BAALC: variants seen among roughly 807,000 people sequenced by gnomAD.
BAALC encodes the protein BAALC binder of MAP3K1 and KLF4.
Under a neutral mutation model 15.5 loss-of-function variants are expected in BAALC, and 9 were observed. The observed-to-expected ratio is 0.58, with a 90% CI of 0.35 to 1.02. BAALC has a LOEUF of 1.02. Ranked by LOEUF, BAALC falls within the 50% of genes least tolerant of loss-of-function variation. The pLI, the probability that BAALC is intolerant of heterozygous loss-of-function variation, is 0.02. For synonymous variants in BAALC, 80 were observed against 74.6 expected (o/e 1.07, Z -0.37); for missense variants, 201 against 192.4 (o/e 1.04, Z -0.27).
At chr8:103,227,867 T>C (rs1201281540) in intron 2 of BAALC, 122 bp from the exon 3 acceptor site, 11 of 666,158 alleles carry the variant, frequency 1.7e-5, no homozygotes, top group Non-Finnish European at 2.0e-5. Flanking sequence ...TTTATGTTCC[T>C]TTTTCCCAGG....
chr8:103,183,296 T>C, intron 1 of BAALC: 1 of 699,098 alleles, frequency 1.4e-6, no homozygotes. Context: ...GAGAAAAACA[T>C]GGAATGTCTT....
chr8:103,228,003 T>TAAGA lies in BAALC; in HGVS notation c.343_346dup (p.Arg116LysfsTer11). 1 of 1,612,702 alleles carries TAAGA rather than the reference T, an allele frequency of 6.2e-7. No individual in the cohort carries two copies. On this transcript the variant is annotated frameshift_variant, in exon 3 of 3. Transcript: ENST00000309982. LOFTEE classifies it high-confidence loss of function. ...CAACTTAACAGGCTAAAAGAGATGC[T>TAAGA]AAGAGAATGCCTGCAAAAGAAGTCA...
chr8:103,173,466 A>G (rs1811542729), intron 1 of BAALC, among the ~76,000 whole-genome samples: 1 of 152,254 alleles, frequency 6.6e-6, no homozygotes, highest in South Asian at 2.1e-4. Context: ...CAAATCATGG[A>G]ATCCTAATAA....
Position 103,181,822 on chromosome 8 carries a change from G to C in BAALC, c.161-31097G>C, listed in dbSNP as rs148161683. Among the ~76,000 whole-genome samples the C allele has an allele frequency of 9.1e-4, 138 of 152,296 alleles. 1 individual carries two copies. Among genetic ancestry groups the C allele is most frequent in the African/African-American group, 3.2e-3 (134 of 41,566 alleles). ...GGTGGTGGCACCCACTTAGGTAGCA[G>C]GTGAAAAGTTGGCTTCTTTTAACCT... On this transcript the variant is annotated intron_variant, in intron 1 of 2. Transcript: ENST00000309982.
chr8:103,220,985 A>AACATCTC (rs1812664219), intron 2 of BAALC, among the ~76,000 whole-genome samples: 1 of 152,238 alleles, frequency 6.6e-6, no homozygotes, highest in Non-Finnish European at 1.5e-5. Context: ...CAAAGCTGAG[A>AACATCTC]ACATCTCTAT....
chr8:103,174,729 C>A (rs979920495), intron 1 of BAALC, among the ~76,000 whole-genome samples: 1 of 152,180 alleles, frequency 6.6e-6, no homozygotes, highest in African/African-American at 2.4e-5. Context: ...CTGAACTCCT[C>A]TTAGAGAGCC....
At chr8:103,176,160 T>C (rs1019272681) in intron 1 of BAALC, among the ~76,000 whole-genome samples, 1 of 152,184 alleles carries the variant, frequency 6.6e-6, no homozygotes, top group African/African-American at 2.4e-5. Flanking sequence ...GCTAACTTTT[T>C]ATTTAGGGGG....
chr8:103,188,550 TAAGA>T (rs930956763), intron 1 of BAALC, among the ~76,000 whole-genome samples: 19 of 152,176 alleles, frequency 1.2e-4, no homozygotes, highest in Non-Finnish European at 2.1e-4. Flanking sequence ...TTTAAAATAA[TAAGA>T]AAGGGTTGAT....
intron 1 of BAALC, among the ~76,000 whole-genome samples, chr8:103,167,011 A>G (rs894882144): frequency 1.3e-5 from 2 of 152,172 alleles, no homozygotes; most frequent in Non-Finnish European, 2.9e-5. Context: ...GTGAAATGGA[A>G]CGCTTTGCCT....
At chr8:103,206,384 C>A (rs1044282844) in intron 1 of BAALC, among the ~76,000 whole-genome samples, 6 of 152,150 alleles carry the variant, frequency 3.9e-5, no homozygotes, top group African/African-American at 1.2e-4. Flanking sequence ...ATCTCTCAGG[C>A]TTTTCTTGCT....
chr8:103,190,251 G>C (rs1811935706), intron 1 of BAALC, among the ~76,000 whole-genome samples: 1 of 152,156 alleles, frequency 6.6e-6, no homozygotes, highest in African/African-American at 2.4e-5. Context: ...GAGAAAGTTA[G>C]ACTTTCAGCT....
rs905433869 is a variant in BAALC, at chr8:103,140,920, C to T, written c.23C>T (p.Ala8Val). 3 of 1,520,482 alleles carry T rather than the reference C, an allele frequency of 2.0e-6. No individual in the cohort carries two copies. Among genetic ancestry groups the T allele is most frequent in the African/African-American group, 2.9e-5 (2 of 69,110 alleles). 94.2% of individuals were successfully genotyped at this position (1,520,482 alleles called of 1,614,324 possible). A position where few individuals can be genotyped will look rare whatever the true frequency, so the allele number is the denominator to read the frequency against. ...AGGATGGGCTGCGGCGGGAGCCGGG[C>T]GGATGCCATCGAGCCCCGCTACTAC... MGCGGSR[A>V]DAIEPRYYES... Residue 8 changes from alanine to valine, a missense_variant, in exon 1 of 3, where the codon GCG (alanine) becomes GTG (valine). By Grantham distance (64) the Ala-to-Val change is moderately conservative. Coordinates refer to ENST00000309982, the MANE Select transcript of BAALC (RefSeq NM_024812.3). The surrounding 1 kb of genome is among the most constrained non-coding windows in gnomAD (Gnocchi z 4.2).
At chr8:103,177,037 G>A (rs1193489128) in intron 1 of BAALC, among the ~76,000 whole-genome samples, 2 of 152,116 alleles carry the variant, frequency 1.3e-5, no homozygotes, top group African/African-American at 2.4e-5. Context: ...CTCATTTTAT[G>A]AAGGTTTTCC....
chr8:103,180,215 C>G (rs1811695145), intron 1 of BAALC, among the ~76,000 whole-genome samples: 5 of 152,210 alleles, frequency 3.3e-5, no homozygotes, highest in Admixed American at 3.3e-4. Flanking sequence ...ATTAAGACAA[C>G]TAGAGTTCCA....
At chr8:103,198,289 GATATA>G (rs1812139708) in intron 1 of BAALC, 1 of 536,580 alleles carries the variant, frequency 1.9e-6, no homozygotes, top group African/African-American at 1.9e-5. Context: ...GATTAAATGT[GATATA>G]ATAACTAAAA....
At chr8:103,216,282 T>C (rs1275240615) in intron 2 of BAALC, among the ~76,000 whole-genome samples, 1 of 152,092 alleles carries the variant, frequency 6.6e-6, no homozygotes, top group Admixed American at 6.6e-5. Context: ...TACCTAGGAG[T>C]GGAATTGTTG....
At chr8:103,163,281 T>C (rs1178456279) in intron 1 of BAALC, among the ~76,000 whole-genome samples, 1 of 152,120 alleles carries the variant, frequency 6.6e-6, no homozygotes, top group African/African-American at 2.4e-5. Context: ...CCCAGTTCTC[T>C]TCTCTTATCC....
intron 1 of BAALC, among the ~76,000 whole-genome samples, chr8:103,167,606 AT>A (rs2129928736): frequency 6.6e-6 from 1 of 152,328 alleles, no homozygotes; most frequent in Admixed American, 6.5e-5. Flanking sequence ...AAAAGTTGGT[AT>A]GGGGAACATT....
At chr8:103,183,481 G>A in intron 1 of BAALC, 1 of 702,794 alleles carries the variant, frequency 1.4e-6, no homozygotes, top group Non-Finnish European at 2.6e-6. Context: ...GGTAAGAGAG[G>A]GTATGGGGGG....
Sources: gnomAD v4.1 joint callset for allele counts (sites outside exome capture counted in the v4.1 genomes callset) on GRCh38, gnomAD v4.1.1 for gene constraint, Gnocchi (gnomAD v3.1) non-coding constraint, MANE v1.5 for transcripts, NCBI Gene and HGNC (gene_info 2026-07-23, HGNC 2026-07-21) for gene names.